Variants in COL25A1 observed in about 807,000 individuals in gnomAD.
The protein encoded by COL25A1 is collagen alpha-1(XXV) chain.
COL25A1 carries 103 observed loss-of-function variants against 128.4 expected under a neutral mutation model. That is an observed-to-expected ratio of 0.80 (90% CI 0.68 to 0.94). COL25A1 has a LOEUF of 0.94. Among genes scored for constraint, COL25A1 ranks in the 40% least tolerant of loss-of-function variants. The pLI is 0.00. For synonymous variants in COL25A1, 279 were observed against 277.2 expected (o/e 1.01, Z -0.06); for missense variants, 745 against 840.0 (o/e 0.89, Z 1.40).
intron 6 of COL25A1, among the ~76,000 whole-genome samples, chr4:108,990,272 A>ATATATCTCTCTCTCTCTC (rs1237402687): frequency 8.1e-6 from 1 of 123,648 alleles, no homozygotes; most frequent in South Asian, 2.8e-4. Flanking sequence ...ATATATATAT[A>ATATATCTCTCTCTCTCTC]TCTCAAAAGA....
intron 3 of COL25A1, among the ~76,000 whole-genome samples, chr4:109,179,497 GA>G (rs1349223700): frequency 6.6e-6 from 1 of 152,178 alleles, no homozygotes; most frequent in Non-Finnish European, 1.5e-5. Flanking sequence ...CCCCCTGTTA[GA>G]AACCTTGTAT....
At chr4:108,902,923 T>C (rs1037537635) in intron 13 of COL25A1, among the ~76,000 whole-genome samples, 1 of 151,618 alleles carries the variant, frequency 6.6e-6, no homozygotes, top group African/African-American at 2.4e-5. Context: ...ACCTATGGAG[T>C]CTGCTTGCTT....
chr4:109,302,180 T>C lies in COL25A1; in HGVS notation c.-68A>G. On this transcript the variant is annotated 5_prime_UTR_variant, in exon 1 of 38. An upstream open reading frame in the 5' UTR loses its in-frame stop. Transcript: ENST00000399132. The stretch of plus-strand genomic sequence containing the variant: ...GAGCGGATACGGACCCCTGCCTTGC[T>C]CAGCGTCCAGACCCGCAGGCGTGCA... The C allele has an allele frequency of 1.1e-6, 1 of 920,400 alleles. No individual in the cohort carries two copies. The highest frequency in any genetic ancestry group is 1.6e-6 in the Non-Finnish European group (1 of 634,720). The allele number at this position is 920,400 out of a possible 1,614,324, so 57.0% of individuals were successfully genotyped here.
rs567993914 is a variant in COL25A1 at position 109,105,220 on chromosome 4, T to C, written c.368-55041A>G. Among the ~76,000 whole-genome samples, 9 of 152,322 alleles carry C rather than the reference T, an allele frequency of 5.9e-5. No homozygotes were observed. In the South Asian group the frequency reaches 1.4e-3, roughly 25 times the overall value. On this transcript the variant is annotated intron_variant, in intron 3 of 37. Transcript: ENST00000399132. ...GGCACAGTAGCTTACACACCTATAA[T>C]ACCAGCACTTTGGGAGGCCGAGGCA... is the stretch of plus-strand genomic sequence containing the variant.
chr4:109,234,179 T>A (rs1779328263), intron 3 of COL25A1, among the ~76,000 whole-genome samples: 1 of 152,118 alleles, frequency 6.6e-6, no homozygotes. Flanking sequence ...TCTTCCCACA[T>A]CAAAATGTCT....
At chr4:108,997,298 A>G (rs1754877507) in intron 6 of COL25A1, among the ~76,000 whole-genome samples, 2 of 152,226 alleles carry the variant, frequency 1.3e-5, no homozygotes, top group Admixed American at 1.3e-4. Context: ...GGATATCACA[A>G]CTGATCCCAC....
intron 3 of COL25A1, among the ~76,000 whole-genome samples, chr4:109,149,088 A>T (rs1400971812): frequency 1.3e-5 from 2 of 152,128 alleles, no homozygotes; most frequent in Non-Finnish European, 2.9e-5. Flanking sequence ...CCTAATCTCA[A>T]CTTTCACATA....
chr4:109,003,408 A>C (rs1314639934), intron 6 of COL25A1, among the ~76,000 whole-genome samples: 1 of 152,274 alleles, frequency 6.6e-6, no homozygotes, highest in African/African-American at 2.4e-5. Context: ...TGAGTAGTTA[A>C]TTGAATTATG....
intron 3 of COL25A1, among the ~76,000 whole-genome samples, chr4:109,090,355 G>A (rs1242984832): frequency 2.0e-5 from 3 of 151,788 alleles, no homozygotes; most frequent in African/African-American, 7.3e-5. Flanking sequence ...TCTACCTTTT[G>A]CCTTCACATA....
intron 3 of COL25A1, among the ~76,000 whole-genome samples, chr4:109,104,786 A>C (rs550296120): frequency 9.3e-4 from 142 of 152,246 alleles, no homozygotes; most frequent in Non-Finnish European, 1.8e-3. Context: ...ACCAGTTGTA[A>C]GACGATGTTT....
At chr4:109,055,838 A>T (rs77838486) in intron 3 of COL25A1, among the ~76,000 whole-genome samples, 2,264 of 152,334 alleles carry the variant, frequency 0.015, 29 homozygotes, top group Non-Finnish European at 0.026. Flanking sequence ...TTACTTTTGC[A>T]CCAACCTAAT....
chr4:109,172,156 T>G (rs895837391), intron 3 of COL25A1, among the ~76,000 whole-genome samples: 3 of 152,134 alleles, frequency 2.0e-5, no homozygotes, highest in Non-Finnish European at 4.4e-5. Context: ...CTTAAGCCTC[T>G]TTTTGCTTCT....
chr4:109,182,145 T>C (rs1271127740), intron 3 of COL25A1, among the ~76,000 whole-genome samples: 2 of 152,190 alleles, frequency 1.3e-5, no homozygotes, highest in African/African-American at 4.8e-5. Flanking sequence ...TTGCAAGTAA[T>C]GCTGAGATGA....
intron 3 of COL25A1, among the ~76,000 whole-genome samples, chr4:109,196,110 T>C (rs144297705): frequency 3.3e-5 from 5 of 152,328 alleles, no homozygotes; most frequent in Non-Finnish European, 5.9e-5. Context: ...TGCAAAGTTC[T>C]CTGTGCGCTG....
chr4:108,844,855 C>T (rs1734899581), intron 29 of COL25A1, among the ~76,000 whole-genome samples: 1 of 152,152 alleles, frequency 6.6e-6, no homozygotes, highest in Admixed American at 6.5e-5. Context: ...TACTATCAAA[C>T]TCAAATATTT....
chr4:109,200,872 C>T (rs1560857340), intron 3 of COL25A1, among the ~76,000 whole-genome samples: 1 of 152,100 alleles, frequency 6.6e-6, no homozygotes, highest in Non-Finnish European at 1.5e-5. Flanking sequence ...TAATCTCATT[C>T]ACTTGTATAG....
intron 3 of COL25A1, among the ~76,000 whole-genome samples, chr4:109,150,081 G>C (rs1258864687): frequency 3.3e-5 from 5 of 151,442 alleles, no homozygotes; most frequent in Admixed American, 2.6e-4. Context: ...ATGTGTGTTT[G>C]TATGTCTGTA....
At chr4:108,888,889 T>C (rs993674136) in intron 18 of COL25A1, among the ~76,000 whole-genome samples, 6 of 152,152 alleles carry the variant, frequency 3.9e-5, no homozygotes, top group Non-Finnish European at 7.4e-5. Flanking sequence ...AAAAAGTTAT[T>C]TAAAAAAAGA....
chr4:109,044,054 T>C (rs779495025), intron 5 of COL25A1, among the ~76,000 whole-genome samples: 53 of 152,136 alleles, frequency 3.5e-4, no homozygotes, highest in Middle Eastern at 3.4e-3. Context: ...AAAATTGCTC[T>C]GTTGCAGCCA....
Sources: allele counts gnomAD v4.1 joint callset (sites outside exome capture counted in the v4.1 genomes callset), GRCh38; gene constraint gnomAD v4.1.1; transcripts MANE v1.5; gene names NCBI Gene and HGNC (gene_info 2026-07-23, HGNC 2026-07-21).